ZNF205: variants seen among roughly 807,000 people sequenced by gnomAD.
ZNF205 encodes the protein transcriptional repressor RHIT.
A neutral mutation model predicts 53.6 loss-of-function variants in ZNF205; 32 were observed. The observed-to-expected ratio is 0.60, with a 90% confidence interval of 0.45 to 0.80. ZNF205 has a LOEUF of 0.80. Among genes scored for constraint, ZNF205 ranks in the 30% least tolerant of loss-of-function variants. ZNF205 has a pLI of 0.00. For synonymous variants in ZNF205, 382 were observed against 334.3 expected (o/e 1.14, Z -1.56); for missense variants, 836 against 782.4 (o/e 1.07, Z -0.82).
intron 4 of ZNF205, 142 bp from the exon 5 acceptor site, chr16:3,116,285 C>T: frequency 7.6e-7 from 1 of 1,309,360 alleles, no homozygotes; most frequent in South Asian, 1.4e-5. Context: ...GGCTCACCTG[C>T]TTCCCGATCA....
intron 6 of ZNF205, 24 bp from the exon 7 acceptor site, chr16:3,119,232 C>T (rs1271336847): frequency 3.2e-6 from 5 of 1,555,076 alleles, no homozygotes; most frequent in African/African-American, 1.4e-5. Context: ...TCGTCCCTAG[C>T]TGGAAACGAC....
intron 6 of ZNF205, 30 bp from the exon 7 acceptor site, chr16:3,119,226 C>A: frequency 6.4e-7 from 1 of 1,551,624 alleles, no homozygotes; most frequent in South Asian, 1.2e-5. Flanking sequence ...GGAAGCTCGT[C>A]CCTAGCTGGA....
intron 5 of ZNF205, among the ~76,000 whole-genome samples, chr16:3,117,314 G>A (rs1316080866): frequency 6.6e-6 from 1 of 152,106 alleles, no homozygotes; most frequent in African/African-American, 2.4e-5. Context: ...GGAGAGAGAT[G>A]GCATGAACTG....
At chr16:3,113,304 G>A in intron 1 of ZNF205, 113 bp from the exon 2 acceptor site, 3 of 953,158 alleles carry the variant, frequency 3.1e-6, no homozygotes, top group East Asian at 2.7e-5. Context: ...AGGGCTCTTT[G>A]GGGGTGTCCA....
chr16:3,116,626 C>T, intron 5 of ZNF205, 79 bp downstream of exon 5: 1 of 1,524,804 alleles, frequency 6.6e-7, no homozygotes, highest in Non-Finnish European at 8.9e-7. Flanking sequence ...TCCCTTCCCT[C>T]CCTCTCTCTC....
intron 5 of ZNF205, among the ~76,000 whole-genome samples, chr16:3,117,036 C>T (rs1957354989): frequency 6.6e-6 from 1 of 152,196 alleles, no homozygotes; most frequent in African/African-American, 2.4e-5. Context: ...ACTCGTGATC[C>T]ACCTGCCTTG....
chr16:3,115,845 G>C lies in ZNF205; in HGVS notation c.288G>C (p.Arg96=), dbSNP rs146514825. The C allele has an allele frequency of 1.1e-5, 17 of 1,613,706 alleles. No individual in the cohort carries two copies. Among genetic ancestry groups the C allele is most frequent in the Non-Finnish European group, 9.3e-6 (11 of 1,179,890 alleles). The part of the protein sequence containing the change: ...FLPGGALPSP[R]IPVLSREGRT... ...CTCCCACAGCCCTCCCCTCCCCCCG[G>C]ATCCCCGTGCTTTCCCGAGAGGGGA... The change falls in exon 4 of 7, where the codon CGG becomes CGC. Residue 96 remains arginine (R), a synonymous_variant. Transcript: ENST00000219091.
rs1044430463 is a variant in ZNF205 at position 3,115,882 on chromosome 16, C to T, written c.325C>T (p.Arg109Trp). 5.0e-6 allele frequency: 8 copies of T among 1,613,894 alleles called. No homozygotes were observed. Among genetic ancestry groups the T allele is most frequent in the Admixed American group, 1.7e-5 (1 of 60,002 alleles). Residue 109 changes from arginine (R) to tryptophan (W), a missense_variant, in exon 4 of 7, where the codon CGG (arginine) becomes TGG (tryptophan). Transcript: ENST00000219091. ...TTCCCGAGAGGGGAGGACCAGAGAC[C>T]GGCAGATGGCTGCAGCGCTCCTCAC... Reference protein sequence around the residue: ...VLSREGRTRDRQMAAALLTAW... With the variant: ...VLSREGRTRDWQMAAALLTAW...
chr16:3,118,229 G>T (rs186791999), intron 5 of ZNF205, among the ~76,000 whole-genome samples: 7 of 151,958 alleles, frequency 4.6e-5, no homozygotes, highest in Non-Finnish European at 7.4e-5. Context: ...CATCATGGTG[G>T]TCCCAAGGCC....
rs1957282045 is a variant in ZNF205 at position 3,112,621 on chromosome 16, A to G, written c.-76A>G. 2 of 321,880 alleles carry G rather than the reference A, an allele frequency of 6.2e-6. No homozygotes were observed. The highest frequency in any genetic ancestry group is 4.9e-5 in the South Asian group (2 of 40,838). 19.9% of individuals were successfully genotyped at this position (321,880 alleles called of 1,614,324 possible). ...CCCGCCCGCCCCGTGCAGGCTGTGG[A>G]GACTCCCTTCCCGGGGGAGGGGGCC... On this transcript the variant is annotated 5_prime_UTR_variant, in exon 1 of 7. Transcript: ENST00000219091.
intron 4 of ZNF205, 45 bp downstream of exon 4, chr16:3,115,965 T>C: frequency 6.4e-7 from 1 of 1,574,370 alleles, no homozygotes; most frequent in Non-Finnish European, 8.7e-7. Flanking sequence ...CAGCCCTTCC[T>C]GCATCTGCTG....
intron 5 of ZNF205, 55 bp downstream of exon 5, chr16:3,116,602 C>G (rs954168025): frequency 1.5e-5 from 24 of 1,580,744 alleles, no homozygotes; most frequent in Non-Finnish European, 2.1e-5. Context: ...CCTGCTCTGC[C>G]GTCTCCTCTT....
rs1175479466 is a variant in ZNF205, at chr16:3,119,354, G to T, written c.694G>T (p.Val232Phe). 6.2e-7 allele frequency: 1 copy of T among 1,612,736 alleles called. No homozygotes were observed. The highest frequency in any genetic ancestry group is 1.7e-5 in the Admixed American group (1 of 60,006). Residue 232 changes from valine to phenylalanine, a missense_variant, in exon 7 of 7, where the codon GTC becomes TTC. Val to Phe is a conservative substitution (Grantham distance 50). Transcript: ENST00000219091. ...CAGGGCAGGGAGAGTCCAGTGGGGC[G>T]TCCCGCAGTGCGCGCAGGAAGCAGC... Reference protein sequence around the residue: ...RTRAGRVQWGVPQCAQEAACG... With the variant: ...RTRAGRVQWGFPQCAQEAACG...
At position 3,120,253 on chromosome 16, in the gene ZNF205, G is replaced by A. The variant is rs777435716; in HGVS notation, c.1593G>A (p.Lys531=). 37 of 1,604,844 alleles carry A rather than the reference G, an allele frequency of 2.3e-5. No individual in the cohort carries two copies. The highest frequency in any genetic ancestry group is 3.1e-5 in the Non-Finnish European group (37 of 1,179,436). ...AGAAGATCCACACCACCGGGCCCAA[G>A]GCCCTGGCCATGCTGATGCTGGGGG... ...RHEKIHTTGP[K]ALAMLMLGAA... The change falls in exon 7 of 7, where the codon AAG becomes AAA. Residue 531 remains lysine (K), a synonymous_variant. Coordinates refer to ENST00000219091, the MANE Select transcript of ZNF205 (RefSeq NM_001042428.2).
chr16:3,113,535 G>A (rs2151225859), intron 2 of ZNF205, 48 bp downstream of exon 2: 1 of 1,597,504 alleles, frequency 6.3e-7, no homozygotes, highest in East Asian at 2.2e-5. Flanking sequence ...AGAGGCTGGT[G>A]CGGAGGAGAT....
chr16:3,116,664 G>T (rs565598566), intron 5 of ZNF205, 117 bp downstream of exon 5: 2 of 1,405,526 alleles, frequency 1.4e-6, no homozygotes, highest in African/African-American at 1.4e-5. Flanking sequence ...CCTTGAGACA[G>T]CACTGTTCTA....
At chr16:3,117,387 C>T (rs1957358681) in intron 5 of ZNF205, among the ~76,000 whole-genome samples, 1 of 147,348 alleles carries the variant, frequency 6.8e-6, no homozygotes, top group African/African-American at 2.5e-5. Context: ...GTGCTTGTCT[C>T]CGAGGGGTCT....
rs2151231379 is a variant in ZNF205 at position 3,118,957 on chromosome 16, G to A, written c.537G>A (p.Glu179=). The A allele has an allele frequency of 6.2e-7, 1 of 1,613,696 alleles. No individual in the cohort carries two copies. Among genetic ancestry groups the A allele is most frequent in the Non-Finnish European group, 8.5e-7 (1 of 1,180,002 alleles). Residue 179 remains glutamate (E), a synonymous_variant, in exon 6 of 7, where the codon GAG becomes GAA. Coordinates refer to ENST00000219091, the MANE Select transcript of ZNF205 (RefSeq NM_001042428.2). ...CCCCTCAAGCGCACGGCAAGGGTGA[G>A]GCCTCGGGCTCCAGCCGGCAGGCAG... is the stretch of plus-strand genomic sequence containing the variant. ...FWAPQAHGKG[E]ASGSSRQAGD...
rs773963065 is a variant in ZNF205 at position 3,119,860 on chromosome 16, C to T, written c.1200C>T (p.Arg400=). ...ACGTGTGCGACCGCTGCGCCAAGCG[C>T]TTCACCCGCCGCTCGGACTTGGTCA... is the stretch of plus-strand genomic sequence containing the variant. ...KPYVCDRCAK[R]FTRRSDLVTH... Residue 400 remains arginine (R), a synonymous_variant, in exon 7 of 7, where the codon CGC becomes CGT. Transcript: ENST00000219091. 8.1e-6 allele frequency: 13 copies of T among 1,612,730 alleles called. No individual in the cohort carries two copies. In the Admixed American group the frequency reaches 1.8e-4, roughly 23 times the overall value.
Sources: gnomAD v4.1 joint callset for allele counts (sites outside exome capture counted in the v4.1 genomes callset) on GRCh38, gnomAD v4.1.1 for gene constraint, MANE v1.5 for transcripts, NCBI Gene and HGNC (gene_info 2026-07-23, HGNC 2026-07-21) for gene names.